Variants in STT3B observed in about 807,000 individuals in gnomAD.
STT3B encodes dolichyl-diphosphooligosaccharide--protein glycosyltransferase subunit STT3B.
In STT3B, 29 loss-of-function variants were observed where a neutral mutation model predicts 96.8. The ratio of observed to expected loss-of-function variants is 0.30; its 90% CI spans 0.22 to 0.41. STT3B has a LOEUF of 0.41. Among genes scored for constraint, STT3B ranks in the 10% least tolerant of loss-of-function variants. The pLI is 1.00. For missense variants in STT3B, 640 were observed against 1,022.3 expected, an observed-to-expected ratio of 0.63 and a Z score of 5.10; for synonymous variants, 367 against 360.0, an observed-to-expected ratio of 1.02 and a Z score of -0.22.
chr3:31,581,884 C>G (rs1007592078), intron 3 of STT3B, among the ~76,000 whole-genome samples: 3 of 152,164 alleles, frequency 2.0e-5, no homozygotes, highest in African/African-American at 7.2e-5. Context: ...CAAGTTGTCT[C>G]TGCAGATTCT....
Position 31,576,309 on chromosome 3 carries a change from A to G in STT3B, c.315-87A>G, listed in dbSNP as rs575925757. On this transcript the variant is annotated intron_variant, in intron 1 of 15. Coordinates refer to ENST00000295770, the MANE Select transcript of STT3B (RefSeq NM_178862.3). ...TTGATGAAAACGCTCTGAAAGATAC[A>G]TTTATGTAGCCACAGAGTTTAATAT... 3.0e-5 allele frequency: 21 copies of G among 696,522 alleles called. No individual in the cohort carries two copies. In the South Asian group the frequency reaches 4.6e-4, roughly 15 times the overall value. The allele number at this position is 696,522 out of a possible 1,614,324, so 43.1% of individuals were successfully genotyped here.
chr3:31,537,058 T>G (rs1017945106), intron 1 of STT3B, among the ~76,000 whole-genome samples: 1 of 152,260 alleles, frequency 6.6e-6, no homozygotes, highest in Admixed American at 6.5e-5. Flanking sequence ...GAGAATTCTC[T>G]GAGCCTTAGG....
chr3:31,572,038 G>GATATATTAAT (rs1272943458), intron 1 of STT3B, among the ~76,000 whole-genome samples: 19 of 39,780 alleles, frequency 4.8e-4, no homozygotes, highest in East Asian at 1.9e-3. Context: ...ATTAATATAT[G>GATATATTAAT]ATATATTAAT....
At chr3:31,535,807 C>A (rs1275321248) in intron 1 of STT3B, among the ~76,000 whole-genome samples, 1 of 152,080 alleles carries the variant, frequency 6.6e-6, no homozygotes, top group Non-Finnish European at 1.5e-5. Flanking sequence ...AAATTTGTAC[C>A]ATTTGAAAGT....
At chr3:31,631,533 G>C (rs770283553) in intron 14 of STT3B, among the ~76,000 whole-genome samples, 11 of 152,122 alleles carry the variant, frequency 7.2e-5, no homozygotes, top group Non-Finnish European at 1.2e-4. Flanking sequence ...TCATTTTGAT[G>C]CCTACCTTAC....
Position 31,533,236 on chromosome 3 carries a change from GC to G in STT3B, c.240del (p.Trp81GlyfsTer43). ...SLLSFTILFLAWLAGFSSRLF... is the reference protein window; with the variant it reads ...SLLSFTILFLXWLAGFSSRLF... ...TCTCTCCTTCACCATCCTCTTCCTG[GC>G]CTGGCTTGCCGGCTTCAGCTCGCGC... On this transcript the variant is annotated frameshift_variant, in exon 1 of 16. Transcript: ENST00000295770. LOFTEE classifies it high-confidence loss of function. 1 of 1,496,894 alleles carries G rather than the reference GC, an allele frequency of 6.7e-7. No individual in the cohort carries two copies. Among genetic ancestry groups the G allele is most frequent in the Non-Finnish European group, 8.9e-7 (1 of 1,121,056 alleles). 92.7% of individuals were successfully genotyped at this position (1,496,894 alleles called of 1,614,324 possible).
chr3:31,581,129 G>A (rs1336639866), intron 3 of STT3B, among the ~76,000 whole-genome samples: 2 of 152,042 alleles, frequency 1.3e-5, no homozygotes, highest in African/African-American at 2.4e-5. Context: ...TTTTTAAGCA[G>A]TACAAATCAT....
intron 1 of STT3B, among the ~76,000 whole-genome samples, chr3:31,573,693 C>G (rs183189551): frequency 1.6e-4 from 24 of 152,136 alleles, no homozygotes; most frequent in Non-Finnish European, 2.8e-4. Context: ...TTGTGACATT[C>G]AAGAAAAACA....
In STT3B at chr3:31,615,158, G is replaced by T. The variant is rs1699278908; in HGVS notation, c.931G>T (p.Val311Leu). 6.2e-7 allele frequency: 1 copy of T among 1,611,190 alleles called. No homozygotes were observed. Among genetic ancestry groups the T allele is most frequent in the Non-Finnish European group, 8.5e-7 (1 of 1,178,148 alleles). ...AATATTATCAATGCAGATACCTTTT[G>T]TGGGATTCCAGCCAATCAGAACAAG... ...GLILSMQIPFVGFQPIRTSEH... is the reference protein window; with the variant it reads ...GLILSMQIPFLGFQPIRTSEH... Residue 311 changes from valine to leucine, a missense_variant, in exon 6 of 16, where the codon GTG (valine) becomes TTG (leucine). Val to Leu is a conservative substitution (Grantham distance 32). Around this residue, in one of 8 missense-constraint regions of STT3B, gnomAD observed 267 missense variants for 388.3 expected, o/e 0.69. Transcript: ENST00000295770.
chr3:31,624,918 A>G lies in STT3B; in HGVS notation c.1732A>G (p.Arg578Gly). 1 of 1,610,836 alleles carries G rather than the reference A, an allele frequency of 6.2e-7. No individual in the cohort carries two copies. Residue 578 changes from arginine to glycine, a missense_variant, in exon 12 of 16, where the codon AGG (arginine) becomes GGG (glycine). Physicochemically the swap from Arg to Gly is moderately radical, Grantham distance 125 (BLOSUM62 -2). Around this residue, in one of 8 missense-constraint regions of STT3B, gnomAD observed 149 missense variants for 250.2 expected, o/e 0.60. Transcript: ENST00000295770. ...VLASYNHDGT[R>G]NILDDFREAY... The stretch of plus-strand genomic sequence containing the variant: ...GAGTATTGTGATTCTTTTCAGCACC[A>G]GGAATATCTTAGATGATTTTAGAGA...
In STT3B at chr3:31,615,120, A is replaced by G. The variant is rs1252801725; in HGVS notation, c.893A>G (p.Tyr298Cys). ...KRVYIAYSTF[Y>C]IVGLILSMQI... ...GTCTTTATAGCATATAGCACTTTCT[A>G]CATTGTGGGTTTAATATTATCAATG... is the stretch of plus-strand genomic sequence containing the variant. The change falls in exon 6 of 16, where the codon TAC (tyrosine) becomes TGC (cysteine). Residue 298 changes from tyrosine to cysteine, a missense_variant. By Grantham distance (194) the Tyr-to-Cys change is radical. This residue lies in a region of STT3B where 267 missense variants were observed against 388.3 expected (regional missense o/e 0.69). Coordinates refer to ENST00000295770, the MANE Select transcript of STT3B (RefSeq NM_178862.3). The G allele has an allele frequency of 1.2e-6, 2 of 1,608,192 alleles. No homozygotes were observed. Among genetic ancestry groups the G allele is most frequent in the Admixed American group, 1.7e-5 (1 of 59,628 alleles).
In STT3B at chr3:31,617,798, T is replaced by C. The variant is rs1699339666; in HGVS notation, c.1124-142T>C. ...TTTTCTGACTGCCAACTGTCTGAAA[T>C]AGGTTGACACCTATAAATGAAAACT... On this transcript the variant is annotated intron_variant, in intron 7 of 15. Transcript: ENST00000295770. The C allele has an allele frequency of 9.4e-6, 6 of 636,906 alleles. No homozygotes were observed. The South Asian group carries it at 1.3e-4, about 14-fold the overall frequency. 39.5% of individuals were successfully genotyped at this position (636,906 alleles called of 1,614,324 possible).
chr3:31,564,447 G>A (rs1055673570), intron 1 of STT3B, among the ~76,000 whole-genome samples: 1 of 152,192 alleles, frequency 6.6e-6, no homozygotes, highest in Non-Finnish European at 1.5e-5. Context: ...CCTTGAGTAA[G>A]AGCAGGTTAC....
intron 3 of STT3B, among the ~76,000 whole-genome samples, chr3:31,589,115 A>C (rs1024796270): frequency 1.3e-5 from 2 of 151,984 alleles, no homozygotes; most frequent in Admixed American, 1.3e-4. Context: ...CTTTCATGAG[A>C]GTTTGGTAGT....
At chr3:31,622,787 T>G (rs1699456259) in intron 10 of STT3B, among the ~76,000 whole-genome samples, 1 of 152,170 alleles carries the variant, frequency 6.6e-6, no homozygotes, top group Non-Finnish European at 1.5e-5. Flanking sequence ...AACCCTCCAG[T>G]TCGTTAGCAA....
intron 5 of STT3B, among the ~76,000 whole-genome samples, chr3:31,601,172 A>G (rs1412099039): frequency 6.6e-6 from 1 of 152,216 alleles, no homozygotes; most frequent in Non-Finnish European, 1.5e-5. Context: ...TAGATTCGTC[A>G]TATGACCAAG....
intron 1 of STT3B, chr3:31,533,540 T>G (rs555526961): frequency 7.2e-6 from 3 of 417,774 alleles, no homozygotes; most frequent in South Asian, 1.6e-4. Context: ...AGCGAAACCT[T>G]GATTCTCGGC....
chr3:31,533,961 A>C (rs1247294128), intron 1 of STT3B, among the ~76,000 whole-genome samples: 1 of 152,204 alleles, frequency 6.6e-6, no homozygotes, highest in African/African-American at 2.4e-5. Flanking sequence ...TACCCCTGAA[A>C]GTGATCTGAA....
intron 1 of STT3B, among the ~76,000 whole-genome samples, chr3:31,576,098 A>G (rs768924558): frequency 2.0e-5 from 3 of 152,164 alleles, no homozygotes; most frequent in Non-Finnish European, 4.4e-5. Context: ...TTCTGTCAGC[A>G]GTTCTTAATC....
Sources: gnomAD v4.1 joint callset for allele counts (sites outside exome capture counted in the v4.1 genomes callset) on GRCh38, gnomAD v4.1.1 for gene constraint, gnomAD v4.1.1 regional missense constraint, MANE v1.5 for transcripts, NCBI Gene and HGNC (gene_info 2026-07-23, HGNC 2026-07-21) for gene names.